GALC: variants seen among roughly 807,000 people sequenced by gnomAD.
GALC encodes galactocerebrosidase.
Under a neutral mutation model 91.8 loss-of-function variants are expected in GALC, and 77 were observed. That is an observed-to-expected ratio of 0.84 (90% CI 0.70 to 1.01). The LOEUF (loss-of-function observed/expected upper bound fraction) is 1.01, where lower values mean the gene tolerates loss of function less well. Ranked by LOEUF, GALC falls within the 50% of genes least tolerant of loss-of-function variation. The pLI is 0.00. For synonymous variants in GALC, 357 were observed against 306.7 expected (o/e 1.16, Z -1.71); for missense variants, 882 against 855.9 (o/e 1.03, Z -0.38).
intron 11 of GALC, 64 bp from the exon 12 acceptor site, chr14:87,949,995 A>C (rs1378154547): frequency 4.9e-6 from 4 of 820,922 alleles, no homozygotes; most frequent in Non-Finnish European, 6.5e-6. Flanking sequence ...AGGATTTCCA[A>C]AATCAGTACC....
chr14:87,983,451 T>C (rs1204532058), intron 5 of GALC, among the ~76,000 whole-genome samples: 2 of 152,258 alleles, frequency 1.3e-5, no homozygotes, highest in Admixed American at 6.5e-5. Flanking sequence ...TGTATCATCA[T>C]GTAGTATTAC....
chr14:87,945,687 A>G lies in GALC; in HGVS notation c.1536T>C (p.Gly512=). The G allele has an allele frequency of 6.2e-7, 1 of 1,612,156 alleles. No individual in the cohort carries two copies. Among genetic ancestry groups the G allele is most frequent in the Non-Finnish European group, 8.5e-7 (1 of 1,178,694 alleles). ...CAATATTTGTAAAATATTCAAATAC[A>G]CCAGTTTGATCAGCAAAGTTTGGAG... ...SEAPNFADQT[G]VFEYFTNIED... is the part of the protein sequence containing the mutation. Residue 512 remains glycine, a synonymous_variant, in exon 14 of 17, where the codon GGT becomes GGC. Transcript: ENST00000261304.
chr14:87,968,178 A>C (rs1447562956), intron 8 of GALC, among the ~76,000 whole-genome samples, 157 bp downstream of exon 8: 1 of 152,184 alleles, frequency 6.6e-6, no homozygotes, highest in East Asian at 1.9e-4. Context: ...AATTAGATAT[A>C]GATTAGGTAT....
intron 1 of GALC, among the ~76,000 whole-genome samples, chr14:87,991,642 TATA>T (rs1442594769): frequency 1.3e-5 from 2 of 152,220 alleles, no homozygotes; most frequent in African/African-American, 4.8e-5. Context: ...GGTATGCAAA[TATA>T]ATGTTGCAAG....
At position 87,993,055 on chromosome 14, in the gene GALC, A is replaced by C; in HGVS notation, c.110T>G (p.Leu37Arg). ...GAGCACGTACGCGCCGCCGGGCGCC[A>C]GCAGCGCACACAGCAGCAAGGGCAC... The part of the protein sequence containing the change: ...AAVPLLLCAL[L>R]APGGAYVLDD... Residue 37 changes from leucine (L) to arginine (R), a missense_variant, in exon 1 of 17, where the codon CTG becomes CGG. Coordinates refer to ENST00000261304, the MANE Select transcript of GALC (RefSeq NM_000153.4). 6.4e-7 allele frequency: 1 copy of C among 1,564,996 alleles called. No homozygotes were observed. Among genetic ancestry groups the C allele is most frequent in the Non-Finnish European group, 8.6e-7 (1 of 1,157,314 alleles).
At chr14:87,966,108 A>T (rs758829530) in intron 8 of GALC, among the ~76,000 whole-genome samples, 3 of 152,236 alleles carry the variant, frequency 2.0e-5, no homozygotes, top group Non-Finnish European at 2.9e-5. Flanking sequence ...CCTGGGTTTA[A>T]ACCATGGTTT....
chr14:87,989,001 C>G (rs1298567901), intron 1 of GALC, among the ~76,000 whole-genome samples: 1 of 152,132 alleles, frequency 6.6e-6, no homozygotes, highest in Non-Finnish European at 1.5e-5. Context: ...AATCTCCAGA[C>G]CAGGCTGTAC....
intron 8 of GALC, among the ~76,000 whole-genome samples, chr14:87,967,345 C>A (rs1163072605): frequency 2.0e-5 from 3 of 152,108 alleles, no homozygotes; most frequent in Non-Finnish European, 2.9e-5. Flanking sequence ...TTCTTTGTAC[C>A]TATCTTCAGT....
At position 87,944,012 on chromosome 14, in the gene GALC, C is replaced by T. The variant is rs76333390; in HGVS notation, c.1670+1541G>A. 8.3e-3 allele frequency among the ~76,000 whole-genome samples: 1,267 copies of T among 152,026 alleles called. 12 individuals are homozygous for T. Among genetic ancestry groups the T allele is most frequent in the Middle Eastern group, 0.058 (17 of 294 alleles). ...AGATGAAGGCAGGCCTTTCTTGACA[C>T]GCAAAATTGCAACTTCCCGGTTCCT... On this transcript the variant is annotated intron_variant, in intron 14 of 16. Coordinates refer to ENST00000261304, the MANE Select transcript of GALC (RefSeq NM_000153.4).
At chr14:87,974,268 G>A (rs929978791) in intron 7 of GALC, among the ~76,000 whole-genome samples, 1 of 152,024 alleles carries the variant, frequency 6.6e-6, no homozygotes, top group Non-Finnish European at 1.5e-5. Context: ...AATATATTAG[G>A]CAAATCCTAA....
rs550446257 is a variant in GALC at position 87,934,336 on chromosome 14, C to T, written c.*396G>A. 117 of 1,270,168 alleles carry T rather than the reference C, an allele frequency of 9.2e-5. No homozygotes were observed. The highest frequency in any genetic ancestry group is 1.6e-4 in the South Asian group (9 of 57,190). 78.7% of individuals were successfully genotyped at this position (1,270,168 alleles called of 1,614,324 possible). Reference sequence around the variant, plus strand: ...GAAGACACTGGCTCACTTGGACACACGGTCAGCATGCATAAATACATCTCA... The same window carrying T: ...GAAGACACTGGCTCACTTGGACACATGGTCAGCATGCATAAATACATCTCA... On this transcript the variant is annotated 3_prime_UTR_variant, in exon 17 of 17. Coordinates refer to ENST00000261304, the MANE Select transcript of GALC (RefSeq NM_000153.4).
chr14:87,968,134 CTTTA>C (rs1020554380), intron 8 of GALC, among the ~76,000 whole-genome samples, 197 bp downstream of exon 8: 8 of 152,028 alleles, frequency 5.3e-5, no homozygotes, highest in African/African-American at 1.9e-4. Context: ...ATAAACCTGA[CTTTA>C]TTTAATATAG....
intron 10 of GALC, among the ~76,000 whole-genome samples, chr14:87,956,790 T>C (rs978994447): frequency 3.3e-5 from 5 of 151,804 alleles, no homozygotes; most frequent in Non-Finnish European, 7.4e-5. Flanking sequence ...AGTAGTAGGA[T>C]TGCAGGAATG....
At chr14:87,944,811 C>T (rs1884998062) in intron 14 of GALC, among the ~76,000 whole-genome samples, 1 of 151,988 alleles carries the variant, frequency 6.6e-6, no homozygotes, top group Admixed American at 6.6e-5. Flanking sequence ...TCTCCAGTTT[C>T]CAAGCTTCGG....
At chr14:87,975,500 T>G (rs1264488195) in intron 7 of GALC, among the ~76,000 whole-genome samples, 1 of 152,130 alleles carries the variant, frequency 6.6e-6, no homozygotes, top group African/African-American at 2.4e-5. Context: ...CACAGTAATA[T>G]TTTTATGGAA....
At chr14:87,987,909 G>A (rs889304182) in intron 3 of GALC, 26 of 516,502 alleles carry the variant, frequency 5.0e-5, no homozygotes, top group Non-Finnish European at 7.2e-5. Context: ...GTTTACTACC[G>A]ATTACTTCAA....
At chr14:87,945,856 C>T in intron 13 of GALC, 123 bp from the exon 14 acceptor site, 1 of 763,688 alleles carries the variant, frequency 1.3e-6, no homozygotes, top group Non-Finnish European at 2.1e-6. Flanking sequence ...AAAATCTAAA[C>T]CAAAGTTTAG....
chr14:87,933,833 C>A lies in GALC; in HGVS notation c.*899G>T. 1 of 644,460 alleles carries A rather than the reference C, an allele frequency of 1.6e-6. No individual in the cohort carries two copies. The highest frequency in any genetic ancestry group is 2.2e-5 in the South Asian group (1 of 45,040). 39.9% of individuals were successfully genotyped at this position (644,460 alleles called of 1,614,324 possible). Reference sequence around the variant, plus strand: ...TCCAATTCTGGGAGTTAGCAAATGTCTAAGTGCTCCCCTCCTTCCACACAT... The same window carrying A: ...TCCAATTCTGGGAGTTAGCAAATGTATAAGTGCTCCCCTCCTTCCACACAT... On this transcript the variant is annotated 3_prime_UTR_variant, in exon 17 of 17. Transcript: ENST00000261304.
In GALC at chr14:87,951,550, C is replaced by T. The variant is rs749267990; in HGVS notation, c.1162-802G>A. On this transcript the variant is annotated intron_variant, in intron 10 of 16. Transcript: ENST00000261304. ...CAGCAGGATGCACATTCTTTTCAAG[C>T]GCACATGGAACACTGACCAAACTAC... Among the ~76,000 whole-genome samples, 13 of 151,908 alleles carry T rather than the reference C, an allele frequency of 8.6e-5. No homozygotes were observed. In the South Asian group the frequency reaches 1.5e-3, roughly 17 times the overall value.
Sources: gnomAD v4.1 joint callset for allele counts (sites outside exome capture counted in the v4.1 genomes callset) on GRCh38, gnomAD v4.1.1 for gene constraint, MANE v1.5 for transcripts, NCBI Gene and HGNC (gene_info 2026-07-23, HGNC 2026-07-21) for gene names.